ROBO1: variants seen among roughly 807,000 people sequenced by gnomAD.
The protein encoded by ROBO1 is roundabout guidance receptor 1.
Under a neutral mutation model 195.9 loss-of-function variants are expected in ROBO1, and 149 were observed. The observed-to-expected ratio is 0.76, with a 90% CI of 0.67 to 0.87. The LOEUF (loss-of-function observed/expected upper bound fraction) is 0.87, where lower values mean the gene tolerates loss of function less well. ROBO1 is among the 40% of genes least tolerant of loss of function. The probability of loss-of-function intolerance (pLI) is 0.00; values close to 1 mark genes in which losing one functional copy is unlikely to be tolerated. For missense variants in ROBO1, 1,933 were observed against 2,068.3 expected, an observed-to-expected ratio of 0.93 and a Z score of 1.27; for synonymous variants, 816 against 733.2, an observed-to-expected ratio of 1.11 and a Z score of -1.82.
At chr3:79,192,705 C>T (rs561182597) in intron 2 of ROBO1, among the ~76,000 whole-genome samples, 87 of 151,456 alleles carry the variant, frequency 5.7e-4, no homozygotes, top group Admixed American at 1.5e-3. Flanking sequence ...AATGACAAGA[C>T]GAGGTAGAAG....
chr3:79,465,609 A>G (rs1038007221), intron 2 of ROBO1, among the ~76,000 whole-genome samples: 3 of 152,166 alleles, frequency 2.0e-5, no homozygotes, highest in Admixed American at 6.5e-5. Context: ...ATTTATCAGT[A>G]GATTTTGAGT....
intron 2 of ROBO1, among the ~76,000 whole-genome samples, chr3:79,586,625 A>T (rs1027376753): frequency 1.7e-4 from 26 of 151,934 alleles, no homozygotes; most frequent in African/African-American, 6.3e-4. Context: ...AAAATATTGC[A>T]ATATAAACCT....
intron 2 of ROBO1, among the ~76,000 whole-genome samples, chr3:79,392,919 T>G (rs2106719889): frequency 6.6e-6 from 1 of 152,308 alleles, no homozygotes; most frequent in Admixed American, 6.5e-5. Flanking sequence ...GGTCACAAAT[T>G]ATGAAGAGCT....
intron 2 of ROBO1, among the ~76,000 whole-genome samples, chr3:79,215,722 G>A (rs75840537): frequency 0.017 from 2,590 of 152,290 alleles, 52 homozygotes; most frequent in African/African-American, 0.055. Flanking sequence ...TATGTACAGA[G>A]TTCCTTCCAT....
intron 4 of ROBO1, 84 bp from the exon 5 acceptor site, chr3:78,746,984 T>A (rs1466709426): frequency 4.5e-6 from 4 of 896,382 alleles, no homozygotes; most frequent in Non-Finnish European, 6.0e-6. Flanking sequence ...ACATTTATTA[T>A]AATTATAATA....
chr3:79,378,753 T>C (rs2036469393), intron 2 of ROBO1, among the ~76,000 whole-genome samples: 1 of 152,230 alleles, frequency 6.6e-6, no homozygotes, highest in Admixed American at 6.5e-5. Flanking sequence ...AAGTAAACTT[T>C]TCCAAGAAAC....
At chr3:79,641,965 T>TC (rs1331745336) in intron 1 of ROBO1, among the ~76,000 whole-genome samples, 1 of 152,104 alleles carries the variant, frequency 6.6e-6, no homozygotes, top group Non-Finnish European at 1.5e-5. Flanking sequence ...GCTAAACTGA[T>TC]CTGTGATCAT....
At chr3:78,694,921 ATATTTTCACG>A (rs1286448457) in intron 8 of ROBO1, among the ~76,000 whole-genome samples, 1 of 152,118 alleles carries the variant, frequency 6.6e-6, no homozygotes, top group Non-Finnish European at 1.5e-5. Context: ...TGATTCCTAA[ATATTTTCACG>A]TATTTTCAGT....
chr3:79,247,130 T>G (rs1485476205), intron 2 of ROBO1, among the ~76,000 whole-genome samples: 1 of 93,892 alleles, frequency 1.1e-5, no homozygotes, highest in Non-Finnish European at 2.1e-5. Context: ...CTGTTTACTG[T>G]TTTTTTTTTT....
chr3:78,718,454 G>T (rs2081957329), intron 5 of ROBO1, among the ~76,000 whole-genome samples: 1 of 152,072 alleles, frequency 6.6e-6, no homozygotes, highest in South Asian at 2.1e-4. Context: ...CACCCAAGCT[G>T]GTTTTTGGGG....
At chr3:79,134,900 A>C (rs1255275369) in intron 2 of ROBO1, among the ~76,000 whole-genome samples, 2 of 103,648 alleles carry the variant, frequency 1.9e-5, no homozygotes, top group Non-Finnish European at 3.8e-5. Flanking sequence ...GGGTCGGGGG[A>C]GGGGGGAGGG....
At chr3:79,014,367 G>A (rs1033409969) in intron 3 of ROBO1, among the ~76,000 whole-genome samples, 1 of 152,196 alleles carries the variant, frequency 6.6e-6, no homozygotes, top group South Asian at 2.1e-4. Flanking sequence ...CAGCTACTCA[G>A]GAGGCTGAGG....
At chr3:79,574,297 A>G (rs1368645157) in intron 2 of ROBO1, among the ~76,000 whole-genome samples, 2 of 151,974 alleles carry the variant, frequency 1.3e-5, no homozygotes, top group Non-Finnish European at 2.9e-5. Flanking sequence ...ACGCGTTTAC[A>G]TACATTCTAC....
chr3:79,542,926 A>C (rs991973278), intron 2 of ROBO1, among the ~76,000 whole-genome samples: 1 of 152,124 alleles, frequency 6.6e-6, no homozygotes, highest in Non-Finnish European at 1.5e-5. Flanking sequence ...AATTTCTTTA[A>C]ACATAATGGA....
intron 1 of ROBO1, among the ~76,000 whole-genome samples, chr3:79,650,477 C>T (rs1429628402): frequency 6.6e-6 from 1 of 151,186 alleles, no homozygotes. Flanking sequence ...TCAAATATTT[C>T]AATATATCAA....
intron 2 of ROBO1, among the ~76,000 whole-genome samples, chr3:79,532,016 C>T (rs913911360): frequency 6.6e-6 from 1 of 152,102 alleles, no homozygotes; most frequent in Non-Finnish European, 1.5e-5. Context: ...TTTCCTGAAA[C>T]ATCAAGTTGC....
chr3:79,580,643 T>C (rs1035994116), intron 2 of ROBO1, among the ~76,000 whole-genome samples: 9 of 152,124 alleles, frequency 5.9e-5, no homozygotes, highest in African/African-American at 2.2e-4. Context: ...AACATACTGT[T>C]TTATATATAA....
intron 1 of ROBO1, among the ~76,000 whole-genome samples, chr3:79,726,822 G>A (rs1175202947): frequency 2.0e-5 from 3 of 152,050 alleles, no homozygotes; most frequent in Admixed American, 1.3e-4. Flanking sequence ...CCAAACAGAG[G>A]ATGTCTGAAA....
At chr3:78,991,066 A>G (rs1462472529) in intron 3 of ROBO1, among the ~76,000 whole-genome samples, 1 of 152,184 alleles carries the variant, frequency 6.6e-6, no homozygotes, top group Non-Finnish European at 1.5e-5. Context: ...AATAACCTAC[A>G]TTAAAAAATC....
Sources: gnomAD v4.1 joint callset for allele counts (sites outside exome capture counted in the v4.1 genomes callset) on GRCh38, gnomAD v4.1.1 for gene constraint, MANE v1.5 for transcripts, NCBI Gene and HGNC (gene_info 2026-07-23, HGNC 2026-07-21) for gene names.